Variants in BANK1 observed in about 807,000 individuals in gnomAD.
BANK1 encodes the protein B-cell scaffold protein with ankyrin repeats.
A neutral mutation model predicts 94.5 loss-of-function variants in BANK1; 95 were observed. The ratio of observed to expected loss-of-function variants is 1.00; its 90% CI spans 0.85 to 1.19. The LOEUF is 1.19. BANK1 is among the 50% of genes most tolerant of loss of function. BANK1 has a pLI of 0.00. For missense variants in BANK1, 987 were observed against 932.2 expected (o/e 1.06, Z -0.77); for synonymous variants, 334 against 308.4 (o/e 1.08, Z -0.87).
chr4:102,001,398 C>T (rs1302072076), intron 7 of BANK1, among the ~76,000 whole-genome samples: 1 of 152,080 alleles, frequency 6.6e-6, no homozygotes, highest in East Asian at 1.9e-4. Context: ...TCAAGAGATC[C>T]AGACCATCTT....
At chr4:101,814,039 A>G (rs1305214782) in intron 1 of BANK1, 1 of 333,394 alleles carries the variant, frequency 3.0e-6, no homozygotes, top group East Asian at 1.7e-4. Flanking sequence ...GGGGTTTGCT[A>G]AAGTTATGTT....
At chr4:101,880,673 A>G (rs934791515) in intron 5 of BANK1, among the ~76,000 whole-genome samples, 3 of 152,120 alleles carry the variant, frequency 2.0e-5, no homozygotes, top group African/African-American at 4.8e-5. Context: ...CTTCAAATAT[A>G]CTACAGAGCT....
At chr4:101,804,497 A>G (rs1725487127) in intron 1 of BANK1, among the ~76,000 whole-genome samples, 1 of 152,172 alleles carries the variant, frequency 6.6e-6, no homozygotes, top group South Asian at 2.1e-4. Context: ...ACCACTAGTG[A>G]TGCTGGTAGT....
intron 14 of BANK1, 59 bp downstream of exon 14, chr4:102,071,363 A>T (rs538064521): frequency 6.7e-7 from 1 of 1,486,214 alleles, no homozygotes; most frequent in Admixed American, 1.7e-5. Flanking sequence ...GAGTAAATCA[A>T]TTTCAATATT....
Position 101,906,379 on chromosome 4 carries a change from T to C in BANK1, c.1009+10969T>C, listed in dbSNP as rs1578390632. ...TTCTAAAAGGGAACTGCCAAGCCTC[T>C]AAATCACCCTCTCATCTAGCTTGCT... On this transcript the variant is annotated intron_variant, in intron 6 of 16. Transcript: ENST00000322953. 2.0e-5 allele frequency among the ~76,000 whole-genome samples: 3 copies of C among 152,302 alleles called. No homozygotes were observed. In the East Asian group the frequency reaches 5.8e-4, roughly 29 times the overall value.
chr4:101,882,044 T>C (rs1045636854), intron 5 of BANK1, among the ~76,000 whole-genome samples: 17 of 152,234 alleles, frequency 1.1e-4, no homozygotes, highest in African/African-American at 3.4e-4. Flanking sequence ...AGTAATTTCA[T>C]TGTACATTTT....
At chr4:102,022,531 C>A (rs943632829) in intron 8 of BANK1, among the ~76,000 whole-genome samples, 1 of 152,114 alleles carries the variant, frequency 6.6e-6, no homozygotes, top group Non-Finnish European at 1.5e-5. Flanking sequence ...GTCATTGTCA[C>A]TTCCTACATT....
intron 5 of BANK1, among the ~76,000 whole-genome samples, chr4:101,880,243 G>T (rs1728629375): frequency 1.3e-5 from 2 of 151,988 alleles, no homozygotes; most frequent in Non-Finnish European, 2.9e-5. Flanking sequence ...CAGTAAAGTT[G>T]CAGGATATAA....
chr4:102,059,690 A>G (rs1411371722), intron 11 of BANK1, among the ~76,000 whole-genome samples: 1 of 152,210 alleles, frequency 6.6e-6, no homozygotes, highest in Non-Finnish European at 1.5e-5. Flanking sequence ...TCACTACAAA[A>G]TGACCAATTA....
At chr4:101,926,190 G>T (rs758489165) in intron 7 of BANK1, among the ~76,000 whole-genome samples, 1 of 151,422 alleles carries the variant, frequency 6.6e-6, no homozygotes, top group East Asian at 2.0e-4. Flanking sequence ...TCATGTAAAG[G>T]CCTCTCCAGG....
intron 7 of BANK1, among the ~76,000 whole-genome samples, chr4:101,967,843 C>G (rs1427673045): frequency 6.6e-6 from 1 of 152,046 alleles, no homozygotes; most frequent in East Asian, 1.9e-4. Flanking sequence ...TGAAATTAAA[C>G]AGCCATATGG....
intron 7 of BANK1, among the ~76,000 whole-genome samples, chr4:101,944,130 A>G (rs1298568183): frequency 1.3e-5 from 2 of 151,626 alleles, no homozygotes; most frequent in African/African-American, 2.4e-5. Context: ...AACTGATTTA[A>G]TACTCCTCAG....
At chr4:101,840,361 T>A (rs1427512294) in intron 2 of BANK1, among the ~76,000 whole-genome samples, 4 of 152,130 alleles carry the variant, frequency 2.6e-5, no homozygotes, top group Non-Finnish European at 4.4e-5. Flanking sequence ...AAGAAAAAAA[T>A]ATATTTTTGT....
intron 2 of BANK1, among the ~76,000 whole-genome samples, chr4:101,833,019 G>T (rs577013466): frequency 4.5e-4 from 68 of 149,494 alleles, no homozygotes; most frequent in South Asian, 4.5e-3. Flanking sequence ...TGCTCTTGTT[G>T]CCCAGGCTGG....
At position 102,007,146 on chromosome 4, in the gene BANK1, T is replaced by TTATA. The variant is rs376933355; in HGVS notation, c.1207-14347_1207-14344dup. On this transcript the variant is annotated intron_variant, in intron 7 of 16. Coordinates refer to ENST00000322953, the MANE Select transcript of BANK1 (RefSeq NM_017935.5). Reference sequence around the variant, plus strand: ...TTTATATATATATAAAAAATATATTTTATATATATATATATATATATATAA... The same window carrying TTATA: ...TTTATATATATATAAAAAATATATTTTATATATATATATATATATATATATATAA... Among the ~76,000 whole-genome samples the TTATA allele has an allele frequency of 1.2e-3, 45 of 38,058 alleles. 1 individual carries two copies. Among genetic ancestry groups the TTATA allele is most frequent in the Middle Eastern group, 0.014 (1 of 70 alleles). 25.0% of individuals were successfully genotyped at this position (38,058 alleles called of 152,430 possible).
chr4:101,957,121 T>C (rs1286569767), intron 7 of BANK1, among the ~76,000 whole-genome samples: 1 of 152,214 alleles, frequency 6.6e-6, no homozygotes, highest in Non-Finnish European at 1.5e-5. Flanking sequence ...AATGAGAAGA[T>C]ACAGAATCTC....
intron 7 of BANK1, among the ~76,000 whole-genome samples, chr4:102,017,718 T>C (rs1391863989): frequency 6.6e-6 from 1 of 152,232 alleles, no homozygotes; most frequent in Admixed American, 6.5e-5. Context: ...GCATTTCCTG[T>C]TGTGCTGAAT....
At chr4:101,837,386 A>G (rs1158192886) in intron 2 of BANK1, among the ~76,000 whole-genome samples, 1 of 152,206 alleles carries the variant, frequency 6.6e-6, no homozygotes, top group Non-Finnish European at 1.5e-5. Context: ...CAGAATTCCA[A>G]TTAAAGTGAT....
At chr4:101,989,649 T>C (rs557048893) in intron 7 of BANK1, among the ~76,000 whole-genome samples, 1 of 151,794 alleles carries the variant, frequency 6.6e-6, no homozygotes, top group African/African-American at 2.4e-5. Context: ...CTTTTTTTTT[T>C]CTCTGTCTCT....
Sources: allele counts gnomAD v4.1 joint callset (sites outside exome capture counted in the v4.1 genomes callset), GRCh38; gene constraint gnomAD v4.1.1; transcripts MANE v1.5; gene names NCBI Gene and HGNC (gene_info 2026-07-23, HGNC 2026-07-21).